NCKAP5: variants seen among roughly 807,000 people sequenced by gnomAD.
The protein encoded by NCKAP5 is NCK associated protein 5.
In NCKAP5, 92 loss-of-function variants were observed where a neutral mutation model predicts 167.0. The ratio of observed to expected loss-of-function variants is 0.55; its 90% CI spans 0.47 to 0.66. NCKAP5 has a LOEUF of 0.66. Ranked by LOEUF, NCKAP5 falls within the 30% of genes least tolerant of loss-of-function variation. NCKAP5 has a pLI of 0.00. For missense variants in NCKAP5, 2,378 were observed against 2,315.0 expected (o/e 1.03, Z -0.56); for synonymous variants, 891 against 877.4 (o/e 1.02, Z -0.27).
chr2:132,902,645 G>C lies in NCKAP5; in HGVS notation c.580-23729C>G, dbSNP rs145255487. Among the ~76,000 whole-genome samples, 457 of 152,312 alleles carry C rather than the reference G, an allele frequency of 3.0e-3. 1 individual carries two copies. Among genetic ancestry groups the C allele is most frequent in the African/African-American group, 0.011 (442 of 41,566 alleles). The stretch of plus-strand genomic sequence containing the variant: ...TGTAAGATAGTTTTCAGCATAAAAG[G>C]CTTGATTGAAGAGAAAGTCAGCAAC... On this transcript the variant is annotated intron_variant, in intron 8 of 19. Coordinates refer to ENST00000409261, the MANE Select transcript of NCKAP5 (RefSeq NM_207363.3).
chr2:133,284,945 A>G (rs948153799), intron 4 of NCKAP5, among the ~76,000 whole-genome samples: 1 of 152,214 alleles, frequency 6.6e-6, no homozygotes, highest in African/African-American at 2.4e-5. Context: ...CGTTATTCAT[A>G]TATCAAGAGC....
At chr2:133,622,742 C>T in the NCKAP5 span, among the ~76,000 whole-genome samples, 3 of 151,882 alleles carry the variant, frequency 2.0e-5, no homozygotes, top group Non-Finnish European at 4.4e-5. Context: ...CCAAAAGCCA[C>T]CTATAAATTC....
chr2:132,817,786 A>G (rs1346201372), intron 11 of NCKAP5, among the ~76,000 whole-genome samples: 1 of 152,144 alleles, frequency 6.6e-6, no homozygotes. Flanking sequence ...TGACCATACA[A>G]TGGCCAAGAA....
chr2:132,726,509 A>T (rs1219488488), intron 18 of NCKAP5, among the ~76,000 whole-genome samples: 1 of 152,184 alleles, frequency 6.6e-6, no homozygotes, highest in Non-Finnish European at 1.5e-5. Flanking sequence ...CGCAACTCCT[A>T]TGTGTTGAAT....
At chr2:133,014,141 G>T (rs1355945734) in intron 6 of NCKAP5, among the ~76,000 whole-genome samples, 1 of 152,098 alleles carries the variant, frequency 6.6e-6, no homozygotes, top group Non-Finnish European at 1.5e-5. Context: ...AACCTTCCAT[G>T]GACCCATCCT....
At chr2:133,612,408 T>C in the NCKAP5 span, among the ~76,000 whole-genome samples, 1 of 152,170 alleles carries the variant, frequency 6.6e-6, no homozygotes. Context: ...TTTATCCCAG[T>C]ATGGATTTTC....
chr2:133,174,712 T>TC (rs981446833), intron 5 of NCKAP5, among the ~76,000 whole-genome samples: 11 of 150,320 alleles, frequency 7.3e-5, no homozygotes, highest in Admixed American at 4.6e-4. Flanking sequence ...CTTTTTTTTT[T>TC]TTTCTCCCCC....
intron 5 of NCKAP5, among the ~76,000 whole-genome samples, chr2:133,146,508 C>A (rs192970584): frequency 7.2e-5 from 11 of 152,212 alleles, no homozygotes; most frequent in Non-Finnish European, 4.4e-5. Flanking sequence ...ATTTTACACA[C>A]TGTAAAGTGT....
intron 11 of NCKAP5, among the ~76,000 whole-genome samples, chr2:132,803,388 T>A (rs929991285): frequency 2.6e-5 from 4 of 152,228 alleles, no homozygotes; most frequent in Non-Finnish European, 5.9e-5. Flanking sequence ...GATGGTGCCT[T>A]GGCAAATGAC....
At chr2:133,062,330 T>C (rs2080036458) in intron 6 of NCKAP5, among the ~76,000 whole-genome samples, 2 of 152,308 alleles carry the variant, frequency 1.3e-5, no homozygotes, top group South Asian at 4.1e-4. Flanking sequence ...TGTCTCCTGT[T>C]AGATAAGAGA....
At chr2:133,146,200 A>T (rs753701722) in intron 5 of NCKAP5, among the ~76,000 whole-genome samples, 25 of 152,024 alleles carry the variant, frequency 1.6e-4, no homozygotes, top group Middle Eastern at 3.4e-3. Flanking sequence ...GGGAGGGAAC[A>T]TCTAGATTAG....
chr2:133,129,989 C>A lies in NCKAP5; in HGVS notation c.330G>T (p.Gln110His), dbSNP rs183277175. ...GCTAAGAACAATACCTGGAGAACTG[C>A]TGCTGCAAGCTACGCATCTGAATTC... ...RNRIQMRSLQ[Q>H]QFSRMEETVR... Residue 110 changes from glutamine to histidine, a missense_variant, in exon 6 of 20, where the codon CAG (glutamine) becomes CAT (histidine). By Grantham distance (24) the Gln-to-His change is conservative. Coordinates refer to ENST00000409261, the MANE Select transcript of NCKAP5 (RefSeq NM_207363.3). 464 of 1,606,408 alleles carry A rather than the reference C, an allele frequency of 2.9e-4. 2 individuals are homozygous for A. The highest frequency in any genetic ancestry group is 4.5e-5 in the East Asian group (2 of 44,672).
chr2:133,308,402 G>T (rs564521394), intron 3 of NCKAP5, among the ~76,000 whole-genome samples: 12 of 151,646 alleles, frequency 7.9e-5, no homozygotes, highest in Admixed American at 2.0e-4. Context: ...TTCTATTTTT[G>T]ACTCGATAAT....
intron 19 of NCKAP5, among the ~76,000 whole-genome samples, chr2:132,674,809 T>C (rs915702746): frequency 6.6e-6 from 1 of 152,106 alleles, no homozygotes; most frequent in Admixed American, 6.5e-5. Context: ...CTAGATCTAG[T>C]GCTTATTTCA....
intron 6 of NCKAP5, among the ~76,000 whole-genome samples, chr2:133,095,718 A>G (rs2081324641): frequency 6.6e-6 from 1 of 152,230 alleles, no homozygotes; most frequent in Non-Finnish European, 1.5e-5. Flanking sequence ...ATAACTCTCT[A>G]TGTGCTCAAT....
chr2:133,650,905 AG>A, the NCKAP5 span, among the ~76,000 whole-genome samples: 1 of 152,160 alleles, frequency 6.6e-6, no homozygotes, highest in Non-Finnish European at 1.5e-5. Context: ...AACAAAAAAA[AG>A]GTACCAGGAA....
intron 3 of NCKAP5, among the ~76,000 whole-genome samples, chr2:133,456,189 T>C (rs1325710736): frequency 6.6e-6 from 1 of 152,188 alleles, no homozygotes; most frequent in East Asian, 1.9e-4. Context: ...GCTTTTATTC[T>C]TCACTAACAA....
At position 133,304,834 on chromosome 2, in the gene NCKAP5, C is replaced by G. The variant is rs569261302; in HGVS notation, c.70-1724G>C. Among the ~76,000 whole-genome samples the G allele has an allele frequency of 2.1e-4, 32 of 152,304 alleles. No individual in the cohort carries two copies. In the South Asian group the frequency reaches 6.4e-3, roughly 31 times the overall value. On this transcript the variant is annotated intron_variant, in intron 3 of 19. Coordinates refer to ENST00000409261, the MANE Select transcript of NCKAP5 (RefSeq NM_207363.3). The stretch of plus-strand genomic sequence containing the variant: ...CTTACAGTCTGTCAAAGGGGTTATA[C>G]TAAATAAGTGAACGGATTCGTTTCA...
intron 4 of NCKAP5, among the ~76,000 whole-genome samples, chr2:133,289,546 C>T (rs1178458898): frequency 1.3e-5 from 2 of 151,782 alleles, no homozygotes; most frequent in Admixed American, 6.6e-5. Context: ...GTTTGAAACC[C>T]GACTGGCCAA....
Sources: allele counts gnomAD v4.1 joint callset (sites outside exome capture counted in the v4.1 genomes callset), GRCh38; gene constraint gnomAD v4.1.1; transcripts MANE v1.5; gene names NCBI Gene and HGNC (gene_info 2026-07-23, HGNC 2026-07-21).